The following SUPV3L1 variants were observed in gnomAD, a reference collection of about 807,000 sequenced individuals.
SUPV3L1 encodes ATP-dependent RNA helicase SUPV3L1, mitochondrial.
A neutral mutation model predicts 70.0 loss-of-function variants in SUPV3L1; 35 were observed. The observed-to-expected ratio is 0.50, with a 90% CI of 0.38 to 0.66. The LOEUF is 0.66. SUPV3L1 is among the 30% of genes least tolerant of loss of function. The pLI, the probability that SUPV3L1 is intolerant of heterozygous loss-of-function variation, is 0.00. For synonymous variants in SUPV3L1, 364 were observed against 341.9 expected, an observed-to-expected ratio of 1.06 and a Z score of -0.71; for missense variants, 777 against 961.5, an observed-to-expected ratio of 0.81 and a Z score of 2.54.
At chr10:69,202,213 A>C (rs1731391031) in intron 11 of SUPV3L1, among the ~76,000 whole-genome samples, 1 of 152,146 alleles carries the variant, frequency 6.6e-6, no homozygotes, top group Admixed American at 6.5e-5. Context: ...GCAAAAGACT[A>C]ATTTCTCAGT....
chr10:69,208,909 A>G lies in SUPV3L1; in HGVS notation c.2235A>G (p.Pro745=), dbSNP rs200353073. 341 of 1,614,180 alleles carry G rather than the reference A, an allele frequency of 2.1e-4. 3 individuals carry two copies. The South Asian group carries it at 3.5e-3, about 16-fold the overall frequency. ...TGGTGCAGCAAGGACTCCTCACTCCAGACATGCTGAAACAGCTAGAAAAAG... is the reference window on the plus strand; with the variant it reads ...TGGTGCAGCAAGGACTCCTCACTCCGGACATGCTGAAACAGCTAGAAAAAG... The part of the protein sequence containing the change: ...SRLVQQGLLT[P]DMLKQLEKEW... The change falls in exon 15 of 15, where the codon CCA becomes CCG. Residue 745 remains proline (P), a synonymous_variant. Transcript: ENST00000359655.
intron 7 of SUPV3L1, among the ~76,000 whole-genome samples, chr10:69,196,776 A>G (rs1255463665): frequency 1.3e-5 from 2 of 152,174 alleles, no homozygotes; most frequent in Non-Finnish European, 2.9e-5. Flanking sequence ...TGGCCAAAGC[A>G]ATTTAAAAGG....
intron 9 of SUPV3L1, 23 bp from the exon 10 acceptor site, chr10:69,199,081 A>C: frequency 6.3e-7 from 1 of 1,578,852 alleles, no homozygotes; most frequent in East Asian, 2.2e-5. Context: ...ACACTGATTT[A>C]ACATAAATTG....
At chr10:69,204,132 A>G (rs1023150488) in intron 13 of SUPV3L1, among the ~76,000 whole-genome samples, 1 of 152,240 alleles carries the variant, frequency 6.6e-6, no homozygotes, top group African/African-American at 2.4e-5. Flanking sequence ...TTAGGAAGAC[A>G]TTGCAATGAT....
intron 1 of SUPV3L1, among the ~76,000 whole-genome samples, chr10:69,180,955 A>G (rs34855211): frequency 0.22 from 33,687 of 151,940 alleles, 4,013 homozygotes; most frequent in African/African-American, 0.25. Context: ...AGGATTCTTT[A>G]TCATTGAGGA....
At chr10:69,200,184 G>C in intron 10 of SUPV3L1, 96 bp from the exon 11 acceptor site, 1 of 963,724 alleles carries the variant, frequency 1.0e-6, no homozygotes, top group Non-Finnish European at 1.5e-6. Context: ...GGTTGCAAGA[G>C]GACCTAAGCT....
chr10:69,198,454 G>A lies in SUPV3L1; in HGVS notation c.1106G>A (p.Cys369Tyr). ...TTAGATAACCTTCGGCCTGGGGACTGCATTGTCTGTTTTAGCAAGAATGAT... is the reference window on the plus strand; with the variant it reads ...TTAGATAACCTTCGGCCTGGGGACTACATTGTCTGTTTTAGCAAGAATGAT... ...ESLDNLRPGD[C>Y]IVCFSKNDIY... The change falls in exon 9 of 15, where the codon TGC becomes TAC. Residue 369 changes from cysteine to tyrosine, a missense_variant. Cys to Tyr is a radical substitution (Grantham distance 194, BLOSUM62 -2). Transcript: ENST00000359655. 6.2e-7 allele frequency: 1 copy of A among 1,614,030 alleles called. No homozygotes were observed. Among genetic ancestry groups the A allele is most frequent in the Non-Finnish European group, 8.5e-7 (1 of 1,179,968 alleles).
chr10:69,197,129 C>A (rs759280587), intron 8 of SUPV3L1, 46 bp downstream of exon 8: 5 of 1,539,938 alleles, frequency 3.2e-6, no homozygotes, highest in Non-Finnish European at 3.6e-6. Flanking sequence ...ATCAAATAGT[C>A]CAGAGTACCT....
At chr10:69,207,561 C>G (rs1161254867) in intron 13 of SUPV3L1, among the ~76,000 whole-genome samples, 1 of 152,092 alleles carries the variant, frequency 6.6e-6, no homozygotes, top group East Asian at 1.9e-4. Flanking sequence ...AGTGATCTAC[C>G]CGCTTCAGAC....
At chr10:69,184,319 A>G (rs1384471761) in intron 1 of SUPV3L1, among the ~76,000 whole-genome samples, 2 of 152,046 alleles carry the variant, frequency 1.3e-5, no homozygotes, top group African/African-American at 4.8e-5. Context: ...ACCTGAGGTC[A>G]GGAGTTCGAG....
rs756276044 is a variant in SUPV3L1, at chr10:69,189,512, G to C, written c.741+77G>C. 2,053 of 1,406,926 alleles carry C rather than the reference G, an allele frequency of 1.5e-3. 1 individual carries two copies. The highest frequency in any genetic ancestry group is 1.8e-3 in the Non-Finnish European group (1,908 of 1,052,232). The allele number at this position is 1,406,926 out of a possible 1,614,324, so 87.2% of individuals were successfully genotyped here. A position where few individuals can be genotyped will look rare whatever the true frequency, so the allele number is the denominator to read the frequency against. On this transcript the variant is annotated intron_variant, in intron 5 of 14. Transcript: ENST00000359655. ...GTGGGAGTGGGAAAAGATGTTTGTA[G>C]TAATTTACTGTTAACAAGAAATTAC...
chr10:69,186,187 C>A, intron 2 of SUPV3L1, 123 bp downstream of exon 2: 1 of 922,814 alleles, frequency 1.1e-6, no homozygotes. Context: ...CTGCTCTTTG[C>A]TTCTGGCTGA....
At chr10:69,206,460 G>A (rs1842831129) in intron 13 of SUPV3L1, among the ~76,000 whole-genome samples, 1 of 152,220 alleles carries the variant, frequency 6.6e-6, no homozygotes, top group Non-Finnish European at 1.5e-5. Flanking sequence ...GTCTTACTGT[G>A]TGGTTGTATG....
chr10:69,187,895 G>T, intron 4 of SUPV3L1, 139 bp downstream of exon 4: 1 of 601,474 alleles, frequency 1.7e-6, no homozygotes. Flanking sequence ...ATAAAAAGAG[G>T]CAGTTAACTC....
intron 6 of SUPV3L1, chr10:69,192,339 TCTC>T (rs1462969097): frequency 6.6e-6 from 1 of 152,362 alleles, no homozygotes; most frequent in East Asian, 1.9e-4. Flanking sequence ...TTAATTCCTC[TCTC>T]CTCTTTTGTT....
rs1464416365 is a variant in SUPV3L1 at position 69,198,506 on chromosome 10, A to T, written c.1158A>T (p.Glu386Asp). Residue 386 changes from glutamate (E) to aspartate (D), a missense_variant, in exon 9 of 15, where the codon GAA (glutamate) becomes GAT (aspartate). By Grantham distance (45) the Glu-to-Asp change is conservative (BLOSUM62 2). Transcript: ENST00000359655. ...TTTATTCTGTGAGTCGGCAGATTGA[A>T]ATTCGGGGATTAGAATCAGCTGTTA... ...NDIYSVSRQI[E>D]IRGLESAVIY... The T allele has an allele frequency of 1.9e-6, 3 of 1,614,090 alleles. No individual in the cohort carries two copies. The highest frequency in any genetic ancestry group is 2.5e-6 in the Non-Finnish European group (3 of 1,180,004).
chr10:69,187,610 T>C (rs778012219), intron 3 of SUPV3L1, 32 bp from the exon 4 acceptor site: 1 of 1,435,710 alleles, frequency 7.0e-7, no homozygotes, highest in Non-Finnish European at 9.6e-7. Flanking sequence ...TTATGTAGAT[T>C]GCACATGTTA....
At chr10:69,186,337 A>AT in intron 2 of SUPV3L1, 106 bp from the exon 3 acceptor site, 2 of 650,146 alleles carry the variant, frequency 3.1e-6, no homozygotes, top group Non-Finnish European at 4.9e-6. Context: ...AAAAAAAAAA[A>AT]AAAAAAAGAA....
chr10:69,186,183 T>G, intron 2 of SUPV3L1, 119 bp downstream of exon 2: 2 of 941,058 alleles, frequency 2.1e-6, no homozygotes, highest in Admixed American at 2.4e-5. Context: ...GTCCCTGCTC[T>G]TTGCTTCTGG....
Sources: allele counts gnomAD v4.1 joint callset (sites outside exome capture counted in the v4.1 genomes callset), GRCh38; gene constraint gnomAD v4.1.1; transcripts MANE v1.5; gene names NCBI Gene and HGNC (gene_info 2026-07-23, HGNC 2026-07-21).